XKR4: variants seen among roughly 807,000 people sequenced by gnomAD.
XKR4 encodes the protein XK-related protein 4.
Under a neutral mutation model 53.9 loss-of-function variants are expected in XKR4, and 12 were observed. The observed-to-expected ratio is 0.22, with a 90% CI of 0.14 to 0.36. XKR4 has a LOEUF of 0.36. Among genes scored for constraint, XKR4 ranks in the 10% least tolerant of loss-of-function variants. XKR4 has a pLI of 1.00. For synonymous variants in XKR4, 354 were observed against 362.4 expected (o/e 0.98, Z 0.26); for missense variants, 799 against 859.5 (o/e 0.93, Z 0.88).
chr8:55,277,291 A>T (rs1818777589), intron 1 of XKR4, among the ~76,000 whole-genome samples: 1 of 152,240 alleles, frequency 6.6e-6, no homozygotes, highest in Non-Finnish European at 1.5e-5. Context: ...TGAATAAATA[A>T]TAAATGGAAT....
At chr8:55,377,793 A>T (rs920125250) in intron 2 of XKR4, among the ~76,000 whole-genome samples, 49 of 152,232 alleles carry the variant, frequency 3.2e-4, no homozygotes, top group African/African-American at 1.2e-3. Context: ...TTGTGAATAC[A>T]GGAGAAAATA....
intron 1 of XKR4, among the ~76,000 whole-genome samples, chr8:55,341,189 CAG>C (rs1194294899): frequency 1.3e-5 from 2 of 152,134 alleles, no homozygotes; most frequent in African/African-American, 4.8e-5. Flanking sequence ...GGGGAACACA[CAG>C]AGAAACTAGT....
At chr8:55,403,873 T>G (rs1804645606) in intron 2 of XKR4, among the ~76,000 whole-genome samples, 1 of 152,250 alleles carries the variant, frequency 6.6e-6, no homozygotes, top group African/African-American at 2.4e-5. Flanking sequence ...TGGTGTTCAC[T>G]GATGAGACCT....
intron 2 of XKR4, among the ~76,000 whole-genome samples, chr8:55,441,325 A>C (rs1219455409): frequency 1.3e-5 from 2 of 152,158 alleles, no homozygotes; most frequent in African/African-American, 2.4e-5. Flanking sequence ...CACCAGGAAA[A>C]TATAACAGTT....
intron 2 of XKR4, chr8:55,455,235 C>T (rs1341479630): frequency 2.1e-5 from 5 of 234,522 alleles, no homozygotes; most frequent in Non-Finnish European, 3.3e-5. Context: ...CGGGACACCC[C>T]GGGTTCGCTC....
At chr8:55,275,212 C>A (rs918754849) in intron 1 of XKR4, among the ~76,000 whole-genome samples, 6 of 151,760 alleles carry the variant, frequency 4.0e-5, no homozygotes, top group African/African-American at 1.5e-4. Context: ...TTAATAGGAG[C>A]AAAATGTCTA....
chr8:55,387,437 T>C (rs960342081), intron 2 of XKR4, among the ~76,000 whole-genome samples: 1 of 152,196 alleles, frequency 6.6e-6, no homozygotes, highest in African/African-American at 2.4e-5. Flanking sequence ...TTGGCAGAGA[T>C]GCTGGAGCTC....
At chr8:55,140,097 G>C in intron 1 of XKR4, 1 of 414,460 alleles carries the variant, frequency 2.4e-6, no homozygotes, top group Non-Finnish European at 4.8e-6. Context: ...TACCTCTTAA[G>C]AGTTTACCAG....
At chr8:55,212,554 C>A (rs1166124118) in intron 1 of XKR4, among the ~76,000 whole-genome samples, 5 of 152,102 alleles carry the variant, frequency 3.3e-5, no homozygotes, top group Non-Finnish European at 7.4e-5. Context: ...CCATCTATTC[C>A]CATCATGGCC....
chr8:55,115,612 A>G (rs1342319054), intron 1 of XKR4, among the ~76,000 whole-genome samples: 1 of 152,098 alleles, frequency 6.6e-6, no homozygotes, highest in Non-Finnish European at 1.5e-5. Flanking sequence ...GTGAAACCTC[A>G]TCTCTACTCA....
chr8:55,480,236 G>C lies in XKR4; in HGVS notation c.1007-43045G>C, dbSNP rs184849970. Among the ~76,000 whole-genome samples, 984 of 152,304 alleles carry C rather than the reference G, an allele frequency of 6.5e-3. 14 individuals are homozygous for C. The highest frequency in any genetic ancestry group is 5.3e-3 in the Non-Finnish European group (361 of 68,036). The stretch of plus-strand genomic sequence containing the variant: ...GTGGGCTTCATCCCTGGGATGCAAG[G>C]CTGTTTCAACATACGCAAATCAATA... On this transcript the variant is annotated intron_variant, in intron 2 of 2. Transcript: ENST00000327381.
At chr8:55,261,315 T>C (rs16919955) in intron 1 of XKR4, among the ~76,000 whole-genome samples, 4,463 of 152,290 alleles carry the variant, frequency 0.029, 228 homozygotes, top group African/African-American at 0.098. Context: ...AAAGACCTAA[T>C]ATCCTAGACC....
At chr8:55,192,511 C>T (rs1817457446) in intron 1 of XKR4, among the ~76,000 whole-genome samples, 1 of 152,040 alleles carries the variant, frequency 6.6e-6, no homozygotes, top group African/African-American at 2.4e-5. Context: ...AAAAGAAAGT[C>T]CAACTTTTTC....
chr8:55,313,337 A>T (rs1375035908), intron 1 of XKR4, among the ~76,000 whole-genome samples: 2 of 152,198 alleles, frequency 1.3e-5, no homozygotes, highest in Non-Finnish European at 2.9e-5. Flanking sequence ...CATTCTGAGG[A>T]TGCTATTAGA....
At position 55,340,658 on chromosome 8, in the gene XKR4, C is replaced by T. The variant is rs148793307; in HGVS notation, c.807-17020C>T. ...TGCACAACAAAATCTATTTCTCATT[C>T]ATGAATTAGGGATCACTCCTCGGCA... is the stretch of plus-strand genomic sequence containing the variant. On this transcript the variant is annotated intron_variant, in intron 1 of 2. Coordinates refer to ENST00000327381, the MANE Select transcript of XKR4 (RefSeq NM_052898.2). Among the ~76,000 whole-genome samples, 1,317 of 152,310 alleles carry T rather than the reference C, an allele frequency of 8.6e-3. 24 individuals are homozygous for T. Among genetic ancestry groups the T allele is most frequent in the African/African-American group, 0.029 (1,220 of 41,546 alleles).
At chr8:55,163,587 T>G (rs1817017175) in intron 1 of XKR4, among the ~76,000 whole-genome samples, 1 of 152,218 alleles carries the variant, frequency 6.6e-6, no homozygotes, top group Admixed American at 6.5e-5. Flanking sequence ...GGCTCACACC[T>G]GTAATCCCAG....
At chr8:55,178,738 A>G (rs1191730889) in intron 1 of XKR4, among the ~76,000 whole-genome samples, 1 of 152,198 alleles carries the variant, frequency 6.6e-6, no homozygotes, top group Non-Finnish European at 1.5e-5. Flanking sequence ...CATTTGCAAC[A>G]TAAAAACCAG....
At chr8:55,454,978 A>T in intron 2 of XKR4, 1 of 859,820 alleles carries the variant, frequency 1.2e-6, no homozygotes, top group East Asian at 2.4e-5. Flanking sequence ...TCCTCTCGGG[A>T]CACATCTGCC....
intron 1 of XKR4, among the ~76,000 whole-genome samples, chr8:55,162,194 C>G (rs569657877): frequency 2.6e-5 from 4 of 152,336 alleles, no homozygotes; most frequent in South Asian, 2.1e-4. Context: ...ATGTTCATCA[C>G]AGTCTACTGT....
Sources: allele counts gnomAD v4.1 joint callset (sites outside exome capture counted in the v4.1 genomes callset), GRCh38; gene constraint gnomAD v4.1.1; transcripts MANE v1.5; gene names NCBI Gene and HGNC (gene_info 2026-07-23, HGNC 2026-07-21).